Variants in DOK6 observed in about 807,000 individuals in gnomAD.
DOK6 encodes downstream of tyrosine kinase 6.
A neutral mutation model predicts 44.0 loss-of-function variants in DOK6; 22 were observed. The observed-to-expected ratio is 0.50, with a 90% CI of 0.36 to 0.71. The LOEUF is 0.71. Ranked by LOEUF, DOK6 falls within the 30% of genes least tolerant of loss-of-function variation. The pLI is 0.00. For missense variants in DOK6, 340 were observed against 416.4 expected, an observed-to-expected ratio of 0.82 and a Z score of 1.60; for synonymous variants, 166 against 145.5, an observed-to-expected ratio of 1.14 and a Z score of -1.01.
chr18:69,760,167 C>A (rs1048274907), intron 7 of DOK6, among the ~76,000 whole-genome samples: 1 of 152,064 alleles, frequency 6.6e-6, no homozygotes, highest in Non-Finnish European at 1.5e-5. Flanking sequence ...TTGTGATAGT[C>A]AAAACAAGTA....
chr18:69,841,112 G>T lies in DOK6; in HGVS notation c.857-132G>T, dbSNP rs1298288124. On this transcript the variant is annotated intron_variant, in intron 7 of 7. Transcript: ENST00000382713. ...AACTTATCTTGAGCTCAATATTGAG[G>T]ATGTGAAAGCTGCTGCCTTGTTTAT... 7.2e-6 allele frequency: 8 copies of T among 1,117,852 alleles called. No homozygotes were observed. The African/African-American group carries it at 9.5e-5, about 13-fold the overall frequency. 69.2% of individuals were successfully genotyped at this position (1,117,852 alleles called of 1,614,324 possible). A position where few individuals can be genotyped will look rare whatever the true frequency, so the allele number is the denominator to read the frequency against.
At chr18:69,424,208 C>T (rs1414820063) in intron 1 of DOK6, among the ~76,000 whole-genome samples, 1 of 152,176 alleles carries the variant, frequency 6.6e-6, no homozygotes, top group African/African-American at 2.4e-5. Flanking sequence ...AGGTTGGCCA[C>T]ATACTTACCA....
intron 1 of DOK6, among the ~76,000 whole-genome samples, chr18:69,447,210 C>T (rs1979321078): frequency 6.6e-6 from 1 of 152,162 alleles, no homozygotes; most frequent in South Asian, 2.1e-4. Context: ...AGTCTTTAAT[C>T]CATCTTGAAT....
intron 3 of DOK6, chr18:69,659,849 G>T (rs1985468704): frequency 3.4e-5 from 1 of 29,802 alleles, no homozygotes; most frequent in African/African-American, 1.1e-4. Context: ...ATATATGTAT[G>T]TTATATATAT....
rs1179318783 is a variant in DOK6 at position 69,547,200 on chromosome 18, A to T, written c.67-17287A>T. ...ACTGCAACCTCTGCCTCCTGTGTTC[A>T]AGCAATTCTCTTGCTTCAGCCTCCT... On this transcript the variant is annotated intron_variant, in intron 1 of 7. Coordinates refer to ENST00000382713, the MANE Select transcript of DOK6 (RefSeq NM_152721.6). 1.3e-5 allele frequency among the ~76,000 whole-genome samples: 2 copies of T among 151,536 alleles called. 1 individual carries two copies. Among genetic ancestry groups the T allele is most frequent in the South Asian group, 4.2e-4 (2 of 4,768 alleles).
intron 7 of DOK6, among the ~76,000 whole-genome samples, chr18:69,824,318 A>C (rs1385124649): frequency 6.7e-6 from 1 of 148,426 alleles, no homozygotes; most frequent in Non-Finnish European, 1.5e-5. Context: ...TCCTTGCGAT[A>C]GTTTGCTAAG....
chr18:69,663,114 G>A (rs1296420889), intron 3 of DOK6: 2 of 152,200 alleles, frequency 1.3e-5, no homozygotes, highest in African/African-American at 2.4e-5. Context: ...GTCAACCTTA[G>A]GGATATAGTT....
In DOK6 at chr18:69,484,427, A is replaced by G. The variant is rs144677006; in HGVS notation, c.67-80060A>G. Among the ~76,000 whole-genome samples, 6 of 152,230 alleles carry G rather than the reference A, an allele frequency of 3.9e-5. No homozygotes were observed. The East Asian group carries it at 1.2e-3, about 29-fold the overall frequency. ...TTAGAAGCTATCTTTCTTTTATATCACTGTCCTAAAATACTTTCAGACGTT... is the reference window on the plus strand; with the variant it reads ...TTAGAAGCTATCTTTCTTTTATATCGCTGTCCTAAAATACTTTCAGACGTT... On this transcript the variant is annotated intron_variant, in intron 1 of 7. Coordinates refer to ENST00000382713, the MANE Select transcript of DOK6 (RefSeq NM_152721.6).
At position 69,669,563 on chromosome 18, in the gene DOK6, G is replaced by C. The variant is rs149165934; in HGVS notation, c.290-8171G>C. 2.0e-5 allele frequency among the ~76,000 whole-genome samples: 3 copies of C among 152,204 alleles called. No individual in the cohort carries two copies. The East Asian group carries it at 5.8e-4, about 29-fold the overall frequency. On this transcript the variant is annotated intron_variant, in intron 3 of 7. Transcript: ENST00000382713. ...TATATGACACCTGTCCTTTATACCA[G>C]ATGTCCTTCGAAATCTCTTCCTTCG...
chr18:69,722,166 G>C (rs4477817), intron 5 of DOK6, among the ~76,000 whole-genome samples: 85,864 of 152,022 alleles, frequency 0.56, 24,630 homozygotes, highest in East Asian at 0.82. Context: ...TGTTTGAAGA[G>C]CTTTGATATT....
At chr18:69,799,025 A>G (rs978951061) in intron 7 of DOK6, among the ~76,000 whole-genome samples, 1 of 152,028 alleles carries the variant, frequency 6.6e-6, no homozygotes, top group African/African-American at 2.4e-5. Context: ...AAGTCACTGG[A>G]TTGTAAACAG....
At chr18:69,669,067 A>G (rs1229960846) in intron 3 of DOK6, among the ~76,000 whole-genome samples, 1 of 151,980 alleles carries the variant, frequency 6.6e-6, no homozygotes, top group East Asian at 1.9e-4. Context: ...TTTTCCCTCT[A>G]CCACCCAATT....
At chr18:69,535,472 A>C (rs1219841467) in intron 1 of DOK6, among the ~76,000 whole-genome samples, 2 of 151,958 alleles carry the variant, frequency 1.3e-5, no homozygotes, top group Non-Finnish European at 2.9e-5. Context: ...ATAAACAATT[A>C]TGGTTTGGGG....
At chr18:69,481,755 G>A (rs1338277505) in intron 1 of DOK6, among the ~76,000 whole-genome samples, 2 of 152,150 alleles carry the variant, frequency 1.3e-5, no homozygotes, top group East Asian at 1.9e-4. Context: ...GGATGGCTGG[G>A]TCAAATGGCA....
intron 3 of DOK6, among the ~76,000 whole-genome samples, chr18:69,647,797 C>T (rs919967762): frequency 1.3e-5 from 2 of 152,030 alleles, no homozygotes; most frequent in Non-Finnish European, 2.9e-5. Context: ...TAGAGCAACT[C>T]CATGTCATCA....
chr18:69,489,285 C>T (rs1384669603), intron 1 of DOK6, among the ~76,000 whole-genome samples: 1 of 152,142 alleles, frequency 6.6e-6, no homozygotes, highest in African/African-American at 2.4e-5. Flanking sequence ...AGTACAAATA[C>T]TAAAGGTTCA....
chr18:69,813,575 T>C (rs1981307680), intron 7 of DOK6, among the ~76,000 whole-genome samples: 2 of 152,132 alleles, frequency 1.3e-5, no homozygotes, highest in Non-Finnish European at 2.9e-5. Flanking sequence ...TTTCTTTAGG[T>C]GGAAATTAAA....
chr18:69,788,619 C>A (rs1568126728), intron 7 of DOK6, among the ~76,000 whole-genome samples: 1 of 152,130 alleles, frequency 6.6e-6, no homozygotes, highest in Non-Finnish European at 1.5e-5. Flanking sequence ...CCTAACTGAT[C>A]ATTTGGAAGA....
chr18:69,664,828 C>CTG (rs780465314), intron 3 of DOK6, among the ~76,000 whole-genome samples: 3 of 152,206 alleles, frequency 2.0e-5, no homozygotes, highest in Non-Finnish European at 4.4e-5. Flanking sequence ...GAACAAGAAA[C>CTG]TGTGCAAAGG....
Sources: allele counts gnomAD v4.1 joint callset (sites outside exome capture counted in the v4.1 genomes callset), GRCh38; gene constraint gnomAD v4.1.1; transcripts MANE v1.5; gene names NCBI Gene and HGNC (gene_info 2026-07-23, HGNC 2026-07-21).